The following SYDE2 variants were observed in gnomAD, a reference collection of about 807,000 sequenced individuals.
The protein encoded by SYDE2 is rho GTPase-activating protein SYDE2.
A neutral mutation model predicts 91.5 loss-of-function variants in SYDE2; 76 were observed. The ratio of observed to expected loss-of-function variants is 0.83; its 90% CI spans 0.69 to 1.01. The LOEUF (loss-of-function observed/expected upper bound fraction) is 1.01. Among genes scored for constraint, SYDE2 ranks in the 50% least tolerant of loss-of-function variants. The pLI is 0.00. For missense variants in SYDE2, 1,364 were observed against 1,367.7 expected, an observed-to-expected ratio of 1.00 and a Z score of 0.04; for synonymous variants, 513 against 506.4, an observed-to-expected ratio of 1.01 and a Z score of -0.18.
chr1:85,184,969 T>A (rs891258879), intron 2 of SYDE2, among the ~76,000 whole-genome samples: 3 of 151,882 alleles, frequency 2.0e-5, no homozygotes, highest in Non-Finnish European at 4.4e-5. Flanking sequence ...GCTTTCCAAT[T>A]CTCTGATCAA....
In SYDE2 at chr1:85,159,220, C is replaced by G. The variant is rs1172940921; in HGVS notation, c.3115G>C (p.Asp1039His). 1 of 780,344 alleles carries G rather than the reference C, an allele frequency of 1.3e-6. No individual in the cohort carries two copies. The allele number at this position is 780,344 out of a possible 1,614,324, so 48.3% of individuals were successfully genotyped here. The change falls in exon 7 of 7, where the codon GAC becomes CAC. Residue 1039 changes from aspartate (D) to histidine (H), a missense_variant. Asp to His is a moderately conservative substitution (Grantham distance 81). Coordinates refer to ENST00000341460, the MANE Select transcript of SYDE2 (RefSeq NM_032184.2). ...GACTTCTGCTCTGGGAATAAATTGT[C>G]TGTTGATTTTTTGACAGTTAAACGC... ...VQRLTVKKSTDNLFPEQKSSL... is the reference protein window; with the variant it reads ...VQRLTVKKSTHNLFPEQKSSL...
chr1:85,190,118 TC>T lies in SYDE2; in HGVS notation c.1379del (p.Gly460AspfsTer8), dbSNP rs1174984554. ...EFVQQYKQKL[G>X]HKTQEGIMVE... Reference sequence around the variant, plus strand: ...CCATTATACCTTCTTGTGTCTTGTGTCCTAGCTTTTGCTTGTACTGCTGCAC... The same window carrying T: ...CCATTATACCTTCTTGTGTCTTGTGTCTAGCTTTTGCTTGTACTGCTGCAC... On this transcript the variant is annotated frameshift_variant, in exon 2 of 7. Transcript: ENST00000341460. LOFTEE classifies it high-confidence loss of function. The T allele has an allele frequency of 6.2e-7, 1 of 1,613,986 alleles. No homozygotes were observed. Among genetic ancestry groups the T allele is most frequent in the Non-Finnish European group, 8.5e-7 (1 of 1,179,884 alleles).
At position 85,200,982 on chromosome 1, in the gene SYDE2, G is replaced by A; in HGVS notation, c.15C>T (p.Pro5=). Residue 5 remains proline (P), a synonymous_variant, in exon 1 of 7, where the codon CCC becomes CCT. Coordinates refer to ENST00000341460, the MANE Select transcript of SYDE2 (RefSeq NM_032184.2). MHDL[P]PDSGARRGGR... The stretch of plus-strand genomic sequence containing the variant: ...CGCCCCGCCGCGCGCCCGAGTCAGG[G>A]GGCAGGTCGTGCATGGCCTGGATCA... 3.1e-6 allele frequency: 4 copies of A among 1,305,720 alleles called. No individual in the cohort carries two copies. Among genetic ancestry groups the A allele is most frequent in the Non-Finnish European group, 2.9e-6 (3 of 1,035,896 alleles). 80.9% of individuals were successfully genotyped at this position (1,305,720 alleles called of 1,614,324 possible).
chr1:85,192,676 T>C (rs549315169), intron 1 of SYDE2, among the ~76,000 whole-genome samples: 3 of 152,064 alleles, frequency 2.0e-5, no homozygotes, highest in Non-Finnish European at 2.9e-5. Context: ...GCCCCCAACC[T>C]CATTTAACCT....
intron 4 of SYDE2, among the ~76,000 whole-genome samples, chr1:85,173,006 T>C (rs1657558524): frequency 6.6e-6 from 1 of 152,164 alleles, no homozygotes; most frequent in Non-Finnish European, 1.5e-5. Context: ...GAAAACTTCA[T>C]AATTCATGGG....
chr1:85,167,598 G>T (rs897536415), intron 5 of SYDE2, among the ~76,000 whole-genome samples: 3 of 152,094 alleles, frequency 2.0e-5, no homozygotes, highest in African/African-American at 7.2e-5. Context: ...CCCTAGGCAC[G>T]TGCCACCATG....
downstream of SYDE2, among the ~76,000 whole-genome samples, chr1:85,154,967 T>C (rs1290124141): frequency 4.7e-5 from 4 of 84,666 alleles, no homozygotes; most frequent in Admixed American, 4.4e-4. Context: ...CCTGTAAATA[T>C]ACTTCAGCAA....
At chr1:85,181,458 C>T (rs1487885746) in intron 3 of SYDE2, 4 of 152,046 alleles carry the variant, frequency 2.6e-5, no homozygotes, top group Non-Finnish European at 5.9e-5. Flanking sequence ...GCCACTCCAT[C>T]TATTTTTATA....
At chr1:85,185,225 A>C (rs12096033) in intron 2 of SYDE2, among the ~76,000 whole-genome samples, 4,975 of 147,538 alleles carry the variant, frequency 0.034, 294 homozygotes, top group African/African-American at 0.12. Flanking sequence ...AATATTTATA[A>C]TATATATTTA....
intron 3 of SYDE2, chr1:85,181,690 C>T (rs1021558587): frequency 6.5e-6 from 1 of 153,824 alleles, no homozygotes; most frequent in Non-Finnish European, 1.4e-5. Context: ...ACTTTTCAAC[C>T]AATATTATAA....
At chr1:85,153,029 TTTGAAGTGACA>T, downstream of SYDE2, 2 of 152,328 alleles carry the variant, frequency 1.3e-5, no homozygotes, top group South Asian at 4.2e-4. Context: ...AAGCAGGCTC[TTTGAAGTGACA>T]TTTGAGCAGA....
rs1333370060 is a variant in SYDE2 at position 85,190,735 on chromosome 1, A to G, written c.763T>C (p.Tyr255His). The change falls in exon 2 of 7, where the codon TAT (tyrosine) becomes CAT (histidine). Residue 255 changes from tyrosine (Y) to histidine (H), a missense_variant. By Grantham distance (83) the Tyr-to-His change is moderately conservative (BLOSUM62 2). Transcript: ENST00000341460. ...ITLTDLFENA[Y>H]GSSMKGRELE... Reference sequence around the variant, plus strand: ...TCTCTTCCCTTCATTGAAGACCCATAGGCATTTTCAAATAAATCTGTTGCA... The same window carrying G: ...TCTCTTCCCTTCATTGAAGACCCATGGGCATTTTCAAATAAATCTGTTGCA... The G allele has an allele frequency of 1.3e-6, 2 of 1,596,822 alleles. No homozygotes were observed. Among genetic ancestry groups the G allele is most frequent in the Non-Finnish European group, 1.7e-6 (2 of 1,172,864 alleles).
In SYDE2 at chr1:85,164,648, C is replaced by T. The variant is rs1472306888; in HGVS notation, c.2963G>A (p.Ser988Asn). 6.3e-7 allele frequency: 1 copy of T among 1,590,182 alleles called. No homozygotes were observed. The highest frequency in any genetic ancestry group is 8.6e-7 in the Non-Finnish European group (1 of 1,167,260). ...ATGGGTGGAAGGCTCTTGCCTCTGACTTAATAATACTGGTCCAAAGCACAC... is the reference window on the plus strand; with the variant it reads ...ATGGGTGGAAGGCTCTTGCCTCTGATTTAATAATACTGGTCCAAAGCACAC... ...LAVCFGPVLLSQRQEPSTHNN... is the reference protein window; with the variant it reads ...LAVCFGPVLLNQRQEPSTHNN... The change falls in exon 6 of 7, where the codon AGT becomes AAT. Residue 988 changes from serine (S) to asparagine (N), a missense_variant. Ser to Asn is a conservative substitution (Grantham distance 46). Coordinates refer to ENST00000341460, the MANE Select transcript of SYDE2 (RefSeq NM_032184.2).
rs1656955493 is a variant in SYDE2 at position 85,158,792 on chromosome 1, C to T, written c.3543G>A (p.Leu1181=). The change falls in exon 7 of 7, where the codon CTG becomes CTA. Residue 1181 remains leucine, a synonymous_variant. Coordinates refer to ENST00000341460, the MANE Select transcript of SYDE2 (RefSeq NM_032184.2). ...QESIDTLIGN[L]ERELNKNKLN... The stretch of plus-strand genomic sequence containing the variant: ...GCTTGTTTTTGTTGAGCTCACGTTC[C>T]AGATTTCCAATCAAAGTATCAATAC... The T allele has an allele frequency of 2.6e-6, 2 of 761,770 alleles. No homozygotes were observed. Among genetic ancestry groups the T allele is most frequent in the Non-Finnish European group, 4.9e-6 (2 of 411,720 alleles). The allele number at this position is 761,770 out of a possible 1,614,324, so 47.2% of individuals were successfully genotyped here.
chr1:85,199,381 G>T (rs1257464424), intron 1 of SYDE2, among the ~76,000 whole-genome samples: 1 of 152,108 alleles, frequency 6.6e-6, no homozygotes, highest in Non-Finnish European at 1.5e-5. Context: ...TAATTGACTG[G>T]TTTCTAGAAT....
intron 5 of SYDE2, among the ~76,000 whole-genome samples, chr1:85,167,976 T>C (rs1448802049): frequency 6.6e-6 from 1 of 151,968 alleles, no homozygotes; most frequent in East Asian, 1.9e-4. Context: ...AAGTCGGGCA[T>C]GGTGGCGCCC....
chr1:85,155,022 A>AAAAG (rs1224741270), downstream of SYDE2, among the ~76,000 whole-genome samples: 40 of 149,556 alleles, frequency 2.7e-4, no homozygotes, highest in African/African-American at 9.4e-4. Flanking sequence ...AAAAAAAAAA[A>AAAAG]AAAGAAAAGA....
chr1:85,183,249 T>C, intron 2 of SYDE2, 49 bp from the exon 3 acceptor site: 1 of 1,458,548 alleles, frequency 6.9e-7, no homozygotes, highest in Non-Finnish European at 9.1e-7. Flanking sequence ...TGTTTTGATT[T>C]CTTTTATTCT....
In SYDE2 at chr1:85,200,425, A is replaced by G. The variant is rs764338629; in HGVS notation, c.572T>C (p.Leu191Pro). 26 of 1,613,898 alleles carry G rather than the reference A, an allele frequency of 1.6e-5. No homozygotes were observed. Among genetic ancestry groups the G allele is most frequent in the African/African-American group, 2.7e-5 (2 of 74,934 alleles). Residue 191 changes from leucine (L) to proline (P), a missense_variant, in exon 1 of 7, where the codon CTG becomes CCG. Transcript: ENST00000341460. ...ACGCCCTTTGTACATCCACTTCTGC[A>G]GCTTCTTGACTGTCACTGCCGGCGG... is the stretch of plus-strand genomic sequence containing the variant. ...LRPPAVTVKK[L>P]QKWMYKGRLL... is the part of the protein sequence containing the mutation.
Sources: gnomAD v4.1 joint callset for allele counts (sites outside exome capture counted in the v4.1 genomes callset) on GRCh38, gnomAD v4.1.1 for gene constraint, MANE v1.5 for transcripts, NCBI Gene and HGNC (gene_info 2026-07-23, HGNC 2026-07-21) for gene names.